Variants in ADAMDEC1 observed in about 807,000 individuals in gnomAD.
The protein encoded by ADAMDEC1 is ADAM like decysin 1.
ADAMDEC1 carries 62 observed loss-of-function variants against 60.4 expected under a neutral mutation model. The ratio of observed to expected loss-of-function variants is 1.03; its 90% CI spans 0.84 to 1.27. ADAMDEC1 has a LOEUF of 1.27. ADAMDEC1 is among the 50% of genes most tolerant of loss of function. ADAMDEC1 has a pLI of 0.00. For synonymous variants in ADAMDEC1, 210 were observed against 195.1 expected (o/e 1.08, Z -0.64); for missense variants, 595 against 565.0 (o/e 1.05, Z -0.54).
At chr8:24,390,198 A>C (rs754933106) in intron 1 of ADAMDEC1, 1 of 1,140,458 alleles carries the variant, frequency 8.8e-7, no homozygotes, top group Admixed American at 2.4e-5. Context: ...CAGTTTTCAC[A>C]TAAAAGAAAT....
intron 5 of ADAMDEC1, 103 bp from the exon 6 acceptor site, chr8:24,397,167 A>T: frequency 9.9e-7 from 1 of 1,014,264 alleles, no homozygotes; most frequent in Non-Finnish European, 1.4e-6. Context: ...TGACAAGGCT[A>T]TGTGTGAAAT....
intron 12 of ADAMDEC1, among the ~76,000 whole-genome samples, chr8:24,402,462 T>A (rs2129362676): frequency 6.6e-6 from 1 of 152,240 alleles, no homozygotes; most frequent in East Asian, 1.9e-4. Context: ...GGAGAGTTGG[T>A]CTTTTCTCAT....
At chr8:24,395,653 T>G (rs568577317) in intron 4 of ADAMDEC1, 67 bp from the exon 5 acceptor site, 1 of 1,042,204 alleles carries the variant, frequency 9.6e-7, no homozygotes, top group Non-Finnish European at 1.5e-6. Context: ...GTTTATACAT[T>G]ACACACACAC....
chr8:24,394,129 C>T lies in ADAMDEC1; in HGVS notation c.345C>T (p.Thr115=), dbSNP rs761250817. ...ACTCACCCAGAGGAGAGGAAATTAC[C>T]ACGAAACCTGAGAACATGGTAGGGT... ...TLYSPRGEEI[T]TKPENMEHCY... is the part of the protein sequence containing the mutation. Residue 115 remains threonine, a synonymous_variant, in exon 4 of 14, where the codon ACC becomes ACT. Transcript: ENST00000256412. The T allele has an allele frequency of 1.2e-6, 2 of 1,612,474 alleles. No individual in the cohort carries two copies. Among genetic ancestry groups the T allele is most frequent in the South Asian group, 2.2e-5 (2 of 91,034 alleles).
At chr8:24,396,815 T>A (rs1024165370) in intron 5 of ADAMDEC1, among the ~76,000 whole-genome samples, 5 of 152,192 alleles carry the variant, frequency 3.3e-5, no homozygotes, top group Non-Finnish European at 7.3e-5. Flanking sequence ...CATACTATTG[T>A]GATTATAGAA....
chr8:24,396,944 A>G (rs1179331024), intron 5 of ADAMDEC1, among the ~76,000 whole-genome samples: 1 of 152,192 alleles, frequency 6.6e-6, no homozygotes, highest in Non-Finnish European at 1.5e-5. Flanking sequence ...ATTTTCCATT[A>G]TAGTCCTAGG....
intron 3 of ADAMDEC1, 138 bp from the exon 4 acceptor site, chr8:24,393,931 A>G (rs1163847607): frequency 1.1e-5 from 5 of 475,650 alleles, no homozygotes; most frequent in African/African-American, 2.0e-5. Flanking sequence ...CAGAGCTCCA[A>G]TGTTGGAAGA....
intron 12 of ADAMDEC1, 106 bp from the exon 13 acceptor site, chr8:24,403,897 C>A: frequency 2.4e-6 from 2 of 830,876 alleles, no homozygotes; most frequent in Non-Finnish European, 3.8e-6. Context: ...AGTAATTTAC[C>A]TTAAAAAGTA....
chr8:24,386,682 T>A (rs943249431), intron 1 of ADAMDEC1, among the ~76,000 whole-genome samples: 1 of 152,196 alleles, frequency 6.6e-6, no homozygotes, highest in African/African-American at 2.4e-5. Context: ...ACTGTATCTA[T>A]TCCATATTCT....
chr8:24,394,307 A>G (rs1321695113), intron 4 of ADAMDEC1, among the ~76,000 whole-genome samples, 160 bp downstream of exon 4: 1 of 152,200 alleles, frequency 6.6e-6, no homozygotes, highest in Non-Finnish European at 1.5e-5. Flanking sequence ...CAAGTTGCTT[A>G]TCTATGATCA....
intron 6 of ADAMDEC1, 38 bp downstream of exon 6, chr8:24,397,494 T>C: frequency 1.9e-6 from 3 of 1,603,932 alleles, no homozygotes; most frequent in Middle Eastern, 1.7e-4. Context: ...TTACTTCAAT[T>C]GTCTCAGCAA....
Position 24,400,164 on chromosome 8 carries a change from T to C in ADAMDEC1, c.1012-6T>C. On this transcript the variant is annotated splice_polypyrimidine_tract_variant and splice_region_variant and intron_variant, in intron 10 of 13. Coordinates refer to ENST00000256412, the MANE Select transcript of ADAMDEC1 (RefSeq NM_014479.3). Reference sequence around the variant, plus strand: ...AAGAATAAATAAATATATCTACTTTTTCCAGGCTAAAAAAAAGAATAATGT... The same window carrying C: ...AAGAATAAATAAATATATCTACTTTCTCCAGGCTAAAAAAAAGAATAATGT... The C allele has an allele frequency of 6.4e-7, 1 of 1,559,254 alleles. No homozygotes were observed. Among genetic ancestry groups the C allele is most frequent in the Non-Finnish European group, 8.6e-7 (1 of 1,156,792 alleles).
chr8:24,397,428 G>A lies in ADAMDEC1; in HGVS notation c.599G>A (p.Arg200Gln), dbSNP rs753899251. 27 of 1,613,700 alleles carry A rather than the reference G, an allele frequency of 1.7e-5. 2 individuals carry two copies. In the South Asian group the frequency reaches 1.8e-4, roughly 11 times the overall value. ...ACTGACGGGAAACAAGGCCCAATTC[G>A]AATCTCTAGATCACTCAAAAGCCCA... Reference protein sequence around the residue: ...KSTDGKQGPIRISRSLKSPEK... With the variant: ...KSTDGKQGPIQISRSLKSPEK... The change falls in exon 6 of 14, where the codon CGA becomes CAA. Residue 200 changes from arginine to glutamine, a missense_variant. Coordinates refer to ENST00000256412, the MANE Select transcript of ADAMDEC1 (RefSeq NM_014479.3).
In ADAMDEC1 at chr8:24,400,176, A is replaced by T; in HGVS notation, c.1018A>T (p.Lys340Ter). ...ATATATCTACTTTTTCCAGGCTAAA[A>T]AAAAGAATAATGTGGCTCTTGTAGG... ...PSSVAVIEAK[K>*]KNNVALVGVM... Residue 340 changes from lysine to a stop codon, truncating the protein, a stop_gained, in exon 11 of 14, where the codon AAA (lysine) becomes TAA (stop). Coordinates refer to ENST00000256412, the MANE Select transcript of ADAMDEC1 (RefSeq NM_014479.3). LOFTEE classifies it high-confidence loss of function. 4.4e-6 allele frequency: 7 copies of T among 1,577,264 alleles called. No individual in the cohort carries two copies. The highest frequency in any genetic ancestry group is 5.1e-6 in the Non-Finnish European group (6 of 1,167,066).
chr8:24,391,743 G>A (rs1308948004), intron 1 of ADAMDEC1, among the ~76,000 whole-genome samples: 3 of 152,120 alleles, frequency 2.0e-5, no homozygotes, highest in Non-Finnish European at 2.9e-5. Flanking sequence ...ACTGCTAGTA[G>A]AGTCTTTCCT....
At chr8:24,404,178 TA>T in intron 13 of ADAMDEC1, 90 bp downstream of exon 13, 7 of 1,071,854 alleles carry the variant, frequency 6.5e-6, no homozygotes, top group Non-Finnish European at 9.6e-6. Flanking sequence ...CATAATACAC[TA>T]AAACACAATG....
Position 24,395,755 on chromosome 8 carries a change from A to G in ADAMDEC1, c.399A>G (p.Glu133=). The change falls in exon 5 of 14, where the codon GAA becomes GAG. Residue 133 remains glutamate (E), a synonymous_variant. Coordinates refer to ENST00000256412, the MANE Select transcript of ADAMDEC1 (RefSeq NM_014479.3). ...ACTATAAAGGAAACATCCTAAATGAAAAGAATTCTGTTGCCAGCATCAGTA... is the reference window on the plus strand; with the variant it reads ...ACTATAAAGGAAACATCCTAAATGAGAAGAATTCTGTTGCCAGCATCAGTA... The part of the protein sequence containing the change: ...HCYYKGNILN[E]KNSVASISTC... 6.2e-7 allele frequency: 1 copy of G among 1,613,700 alleles called. No individual in the cohort carries two copies. The highest frequency in any genetic ancestry group is 8.5e-7 in the Non-Finnish European group (1 of 1,179,842).
chr8:24,386,456 G>A (rs1451561330), intron 1 of ADAMDEC1, among the ~76,000 whole-genome samples: 3 of 152,138 alleles, frequency 2.0e-5, no homozygotes, highest in African/African-American at 4.8e-5. Flanking sequence ...ATAAAACCAC[G>A]CCAGAAGTTT....
At chr8:24,384,649 A>T in intron 1 of ADAMDEC1, 57 bp downstream of exon 1, 8 of 1,480,162 alleles carry the variant, frequency 5.4e-6, no homozygotes, top group Non-Finnish European at 7.4e-6. Flanking sequence ...ATGAATGTTT[A>T]AAGTGCCTTT....
Sources: allele counts gnomAD v4.1 joint callset (sites outside exome capture counted in the v4.1 genomes callset), GRCh38; gene constraint gnomAD v4.1.1; transcripts MANE v1.5; gene names NCBI Gene and HGNC (gene_info 2026-07-23, HGNC 2026-07-21).